The following SNX6 variants were observed in gnomAD, a reference collection of about 807,000 sequenced individuals.
SNX6 encodes the protein sorting nexin 6, also known as sorting nexin-6.
In SNX6, 34 loss-of-function variants were observed where a neutral mutation model predicts 63.0. That is an observed-to-expected ratio of 0.54 (90% CI 0.41 to 0.72). The LOEUF is 0.72. Ranked by LOEUF, SNX6 falls within the 30% of genes least tolerant of loss-of-function variation. The pLI, the probability that SNX6 is intolerant of heterozygous loss-of-function variation, is 0.00. For missense variants in SNX6, 398 were observed against 471.4 expected, an observed-to-expected ratio of 0.84 and a Z score of 1.44; for synonymous variants, 170 against 164.2, an observed-to-expected ratio of 1.04 and a Z score of -0.27.
At chr14:34,622,125 A>AT (rs1212369596) in intron 2 of SNX6, among the ~76,000 whole-genome samples, 1 of 150,154 alleles carries the variant, frequency 6.7e-6, no homozygotes, top group South Asian at 2.1e-4. Flanking sequence ...CACCTGGCTA[A>AT]TTTTTTTTGT....
At chr14:34,602,361 G>T (rs1169939225) in intron 6 of SNX6, among the ~76,000 whole-genome samples, 8 of 151,898 alleles carry the variant, frequency 5.3e-5, no homozygotes, top group Admixed American at 1.3e-4. Flanking sequence ...AGGAGGCAGA[G>T]GTTGTGGGTG....
chr14:34,630,043 C>A, intron 1 of SNX6, 68 bp downstream of exon 1: 2 of 1,441,602 alleles, frequency 1.4e-6, no homozygotes, highest in Non-Finnish European at 1.8e-6. Flanking sequence ...TGGCGCGGTC[C>A]CCGCGCCCGC....
At chr14:34,571,258 C>T (rs954055363) in intron 11 of SNX6, among the ~76,000 whole-genome samples, 2 of 151,390 alleles carry the variant, frequency 1.3e-5, no homozygotes, top group African/African-American at 4.9e-5. Context: ...ACGGTGAAAC[C>T]CCGTCTGTAC....
In SNX6 at chr14:34,563,175, C is replaced by T. The variant is rs1248850417; in HGVS notation, c.1168G>A (p.Gly390Ser). The T allele has an allele frequency of 1.2e-6, 2 of 1,612,408 alleles. No individual in the cohort carries two copies. The highest frequency in any genetic ancestry group is 1.3e-5 in the African/African-American group (1 of 74,934). Residue 390 changes from glycine to serine, a missense_variant and splice_region_variant, in exon 14 of 14, where the codon GGT (glycine) becomes AGT (serine). Transcript: ENST00000362031. ...CAGTTCTGCAGCAACTGTAGATTAC[C>T]CTAAAAAAGGAAGAAAAAATAAATT... ...LAELELKHAK[G>S]NLQLLQNCLA...
intron 2 of SNX6, among the ~76,000 whole-genome samples, chr14:34,625,945 C>G (rs1883810038): frequency 6.6e-6 from 1 of 152,048 alleles, no homozygotes; most frequent in South Asian, 2.1e-4. Context: ...TTTGAGAAAC[C>G]TGTGCAGTGG....
intron 2 of SNX6, chr14:34,629,475 G>A (rs988285289): frequency 1.7e-5 from 8 of 474,166 alleles, no homozygotes; most frequent in Non-Finnish European, 2.9e-5. Context: ...ATTTGAGAGA[G>A]ACAGAAGGGT....
chr14:34,595,709 G>A (rs1035645556), intron 7 of SNX6, among the ~76,000 whole-genome samples: 1 of 152,154 alleles, frequency 6.6e-6, no homozygotes, highest in African/African-American at 2.4e-5. Context: ...AGTATCCACT[G>A]ACCTGTCTCT....
chr14:34,602,283 T>C (rs1214895465), intron 6 of SNX6, among the ~76,000 whole-genome samples: 1 of 151,716 alleles, frequency 6.6e-6, no homozygotes, highest in Non-Finnish European at 1.5e-5. Flanking sequence ...AAAATTATCT[T>C]GGCATGGTGG....
intron 2 of SNX6, among the ~76,000 whole-genome samples, chr14:34,610,767 G>C (rs2138360617): frequency 6.6e-6 from 1 of 151,924 alleles, no homozygotes; most frequent in African/African-American, 2.4e-5. Context: ...GGGTAATTTT[G>C]AGACTTAGGA....
At chr14:34,596,100 G>C (rs548167302) in intron 7 of SNX6, among the ~76,000 whole-genome samples, 22 of 151,838 alleles carry the variant, frequency 1.4e-4, no homozygotes, top group African/African-American at 5.3e-4. Context: ...GGCACCTGTA[G>C]TCCCAGCTAC....
intron 10 of SNX6, among the ~76,000 whole-genome samples, chr14:34,580,589 T>A (rs188480244): frequency 1.2e-4 from 18 of 152,260 alleles, no homozygotes; most frequent in African/African-American, 4.1e-4. Flanking sequence ...GTGACCCACC[T>A]GGCCTGGTTC....
chr14:34,616,832 G>C (rs775714344), intron 2 of SNX6, among the ~76,000 whole-genome samples: 7 of 152,084 alleles, frequency 4.6e-5, no homozygotes, highest in Non-Finnish European at 8.8e-5. Flanking sequence ...CAGCACTTTG[G>C]GAGGCCGAAG....
At chr14:34,582,094 T>A (rs1212312884) in intron 9 of SNX6, among the ~76,000 whole-genome samples, 3 of 151,484 alleles carry the variant, frequency 2.0e-5, no homozygotes, top group African/African-American at 7.3e-5. Context: ...CCCAAAGTGC[T>A]GGGATTACAG....
At chr14:34,621,296 C>T (rs1475093545) in intron 2 of SNX6, among the ~76,000 whole-genome samples, 1 of 152,104 alleles carries the variant, frequency 6.6e-6, no homozygotes, top group East Asian at 1.9e-4. Context: ...CCTCTCAGCC[C>T]CATTAACCAA....
chr14:34,590,430 CA>C (rs60755736), intron 8 of SNX6, among the ~76,000 whole-genome samples: 3,781 of 84,230 alleles, frequency 0.045, 135 homozygotes, highest in African/African-American at 0.13. Context: ...GACTTCGTCT[CA>C]AAAAAAAAAA....
At chr14:34,567,591 T>C in intron 13 of SNX6, 95 bp downstream of exon 13, 1 of 924,322 alleles carries the variant, frequency 1.1e-6, no homozygotes, top group Non-Finnish European at 1.7e-6. Flanking sequence ...ACAGTATCCC[T>C]ATGAGAACTG....
intron 8 of SNX6, among the ~76,000 whole-genome samples, chr14:34,587,633 C>A (rs1332984521): frequency 1.4e-5 from 2 of 139,444 alleles, no homozygotes; most frequent in Non-Finnish European, 3.1e-5. Context: ...AACAAACAAA[C>A]AAAATTTATT....
intron 2 of SNX6, among the ~76,000 whole-genome samples, chr14:34,611,681 C>T (rs929065439): frequency 1.5e-5 from 2 of 133,960 alleles, no homozygotes; most frequent in East Asian, 2.4e-4. Flanking sequence ...ACTTGGGAGG[C>T]GGAGGTTGCG....
At chr14:34,580,526 C>T (rs1264301990) in intron 10 of SNX6, among the ~76,000 whole-genome samples, 2 of 152,106 alleles carry the variant, frequency 1.3e-5, no homozygotes, top group African/African-American at 4.8e-5. Context: ...TGGTCGAACT[C>T]CTGGCCTCTA....
Sources: gnomAD v4.1 joint callset for allele counts (sites outside exome capture counted in the v4.1 genomes callset) on GRCh38, gnomAD v4.1.1 for gene constraint, MANE v1.5 for transcripts, NCBI Gene and HGNC (gene_info 2026-07-23, HGNC 2026-07-21) for gene names.